Variants in RFX4 observed in about 807,000 individuals in gnomAD.
RFX4 encodes transcription factor RFX4.
Under a neutral mutation model 95.0 loss-of-function variants are expected in RFX4, and 10 were observed. The ratio of observed to expected loss-of-function variants is 0.11; its 90% CI spans 0.06 to 0.18. The LOEUF is 0.18. RFX4 is among the 10% of genes least tolerant of loss of function. The probability of loss-of-function intolerance (pLI) is 1.00; values close to 1 mark genes in which losing one functional copy is unlikely to be tolerated. For missense variants in RFX4, 640 were observed against 922.0 expected (o/e 0.69, Z 3.96); for synonymous variants, 321 against 340.7 (o/e 0.94, Z 0.64).
At position 106,687,167 on chromosome 12, in the gene RFX4, ATC is replaced by A. The variant is rs529235754; in HGVS notation, c.591+85_591+86del. Reference sequence around the variant, plus strand: ...TCTTTCTCTCTCTCTCTCTGTCTCTATCTCTCTCTCTCTCTCACACACACACA... The same window carrying A: ...TCTTTCTCTCTCTCTCTCTGTCTCTATCTCTCTCTCTCTCACACACACACA... On this transcript the variant is annotated intron_variant, in intron 6 of 17. Transcript: ENST00000392842. 9.0e-4 allele frequency: 714 copies of A among 793,092 alleles called. 2 individuals are homozygous for A. The highest frequency in any genetic ancestry group is 1.9e-3 in the Admixed American group (83 of 43,316). 49.1% of individuals were successfully genotyped at this position (793,092 alleles called of 1,614,324 possible). A position where few individuals can be genotyped will look rare whatever the true frequency, so the allele number is the denominator to read the frequency against.
At chr12:106,712,120 A>G (rs2042202235) in intron 10 of RFX4, among the ~76,000 whole-genome samples, 1 of 152,268 alleles carries the variant, frequency 6.6e-6, no homozygotes, top group Non-Finnish European at 1.5e-5. Context: ...TTACATTAAA[A>G]TATTAATGAC....
At chr12:106,723,527 G>T (rs371636848) in intron 13 of RFX4, among the ~76,000 whole-genome samples, 1 of 152,172 alleles carries the variant, frequency 6.6e-6, no homozygotes, top group South Asian at 2.1e-4. Context: ...AGCAGCCTGG[G>T]TGTGACAGCT....
intron 17 of RFX4, among the ~76,000 whole-genome samples, chr12:106,757,537 G>C: frequency 7.2e-6 from 1 of 138,968 alleles, no homozygotes; most frequent in African/African-American, 2.7e-5. Flanking sequence ...GACAGGGCAA[G>C]ACCCTGTCTC....
At chr12:106,733,336 G>T in intron 15 of RFX4, 1 of 352,352 alleles carries the variant, frequency 2.8e-6, no homozygotes, top group Non-Finnish European at 5.1e-6. Context: ...GAAAAACAGG[G>T]CTTTCTGGAA....
intron 4 of RFX4, among the ~76,000 whole-genome samples, chr12:106,657,005 G>A (rs754335453): frequency 6.6e-6 from 1 of 152,178 alleles, no homozygotes; most frequent in Non-Finnish European, 1.5e-5. Flanking sequence ...AATGGACTGG[G>A]CATTGGAGCT....
At chr12:106,714,395 C>T (rs1018023123) in intron 10 of RFX4, among the ~76,000 whole-genome samples, 2 of 152,192 alleles carry the variant, frequency 1.3e-5, no homozygotes, top group Non-Finnish European at 2.9e-5. Context: ...ATATATTCTA[C>T]ACCTTTGTGA....
chr12:106,639,096 A>G (rs17038589), intron 2 of RFX4, among the ~76,000 whole-genome samples: 2,974 of 152,324 alleles, frequency 0.02, 91 homozygotes, highest in African/African-American at 0.067. Flanking sequence ...TTAAACTCTA[A>G]CACATTGTGT....
rs571687114 is a variant in RFX4, at chr12:106,600,301, G to C, written c.44-8496G>C. 7.9e-4 allele frequency among the ~76,000 whole-genome samples: 120 copies of C among 152,204 alleles called. 1 individual carries two copies. Among genetic ancestry groups the C allele is most frequent in the South Asian group, 2.9e-3 (14 of 4,810 alleles). On this transcript the variant is annotated intron_variant, in intron 1 of 17. Coordinates refer to ENST00000392842, the MANE Select transcript of RFX4 (RefSeq NM_213594.3). ...AACACGCTTCCTCCCTCTCTACCTG[G>C]TTCATGCCTTCGCATTCTTTAGCTG...
intron 3 of RFX4, among the ~76,000 whole-genome samples, chr12:106,646,431 CAAAAAAAAAAAA>C (rs56305939): frequency 6.3e-4 from 42 of 66,256 alleles, no homozygotes; most frequent in South Asian, 3.3e-3. Flanking sequence ...TAGTTTTATC[CAAAAAAAAAAAA>C]AAAAAAAAAA....
intron 5 of RFX4, among the ~76,000 whole-genome samples, chr12:106,685,200 T>TTATTA: frequency 6.6e-6 from 1 of 152,156 alleles, no homozygotes; most frequent in Non-Finnish European, 1.5e-5. Flanking sequence ...GTCTCTATTT[T>TTATTA]AATGGTTTTT....
At chr12:106,644,717 C>A (rs948910383) in intron 3 of RFX4, among the ~76,000 whole-genome samples, 6 of 152,148 alleles carry the variant, frequency 3.9e-5, no homozygotes, top group African/African-American at 1.4e-4. Context: ...GCAAAATTAC[C>A]CATCAAATGG....
At chr12:106,584,074 T>C (rs1287855191) in intron 1 of RFX4, among the ~76,000 whole-genome samples, 1 of 152,126 alleles carries the variant, frequency 6.6e-6, no homozygotes, top group African/African-American at 2.4e-5. Context: ...AAACTCGGCG[T>C]TGGGGTCTGC....
chr12:106,686,858 TCTCC>T (rs201041780), intron 5 of RFX4, 22 bp from the exon 6 acceptor site: 99 of 1,580,012 alleles, frequency 6.3e-5, no homozygotes, highest in Admixed American at 3.6e-4. Context: ...TTTTTCTCTC[TCTCC>T]CTCCCTCCCC....
intron 2 of RFX4, among the ~76,000 whole-genome samples, chr12:106,623,682 G>A (rs973805677): frequency 6.6e-6 from 1 of 152,206 alleles, no homozygotes; most frequent in African/African-American, 2.4e-5. Flanking sequence ...CTACTCAGCA[G>A]GCTGAGTTGG....
chr12:106,662,959 A>G (rs2041104523), intron 4 of RFX4, among the ~76,000 whole-genome samples: 2 of 152,082 alleles, frequency 1.3e-5, no homozygotes, highest in Admixed American at 6.6e-5. Flanking sequence ...TCTTGATTAC[A>G]GTAGCTTTAT....
intron 4 of RFX4, among the ~76,000 whole-genome samples, chr12:106,670,721 A>G (rs958993442): frequency 1.3e-5 from 2 of 152,214 alleles, no homozygotes; most frequent in East Asian, 1.9e-4. Context: ...TTACATCAGT[A>G]TAGTAAAATG....
intron 7 of RFX4, among the ~76,000 whole-genome samples, chr12:106,691,563 T>A (rs537467492): frequency 6.6e-6 from 1 of 152,372 alleles, no homozygotes; most frequent in Admixed American, 6.5e-5. Flanking sequence ...TGGATGTATC[T>A]GGTACACCTT....
chr12:106,709,453 G>A, intron 9 of RFX4, 23 bp downstream of exon 9: 1 of 1,559,866 alleles, frequency 6.4e-7, no homozygotes, highest in Non-Finnish European at 8.7e-7. Context: ...TTGAGAGCGG[G>A]ATGGAAGAGA....
chr12:106,719,079 G>A (rs771835790), intron 11 of RFX4, among the ~76,000 whole-genome samples: 4 of 151,940 alleles, frequency 2.6e-5, no homozygotes, highest in Middle Eastern at 3.2e-3. Context: ...CCGAGATTGC[G>A]CCACTGCACT....
Sources: allele counts gnomAD v4.1 joint callset (sites outside exome capture counted in the v4.1 genomes callset), GRCh38; gene constraint gnomAD v4.1.1; transcripts MANE v1.5; gene names NCBI Gene and HGNC (gene_info 2026-07-23, HGNC 2026-07-21).